Variants in PCDHGB2 observed in about 807,000 individuals in gnomAD.
The protein encoded by PCDHGB2 is protocadherin gamma-B2.
In PCDHGB2, 55 loss-of-function variants were observed where a neutral mutation model predicts 59.3. The observed-to-expected ratio is 0.93, with a 90% CI of 0.75 to 1.16. PCDHGB2 has a LOEUF of 1.16. Ranked by LOEUF, PCDHGB2 falls within the 50% of genes most tolerant of loss-of-function variation. The pLI is 0.00. For missense variants in PCDHGB2, 1,228 were observed against 1,198.5 expected (o/e 1.02, Z -0.36); for synonymous variants, 516 against 512.0 (o/e 1.01, Z -0.11).
intron 1 of PCDHGB2, chr5:141,415,483 A>G: frequency 6.2e-7 from 1 of 1,614,212 alleles, no homozygotes; most frequent in South Asian, 1.1e-5. Context: ...CTCGCGAAAG[A>G]GTCACCTGAT....
rs546302275 is a variant in PCDHGB2, at chr5:141,362,788, CT to C, written c.2421+234del. Among the ~76,000 whole-genome samples, 614 of 152,314 alleles carry C rather than the reference CT, an allele frequency of 4.0e-3. 6 individuals are homozygous for C. Among genetic ancestry groups the C allele is most frequent in the Admixed American group, 0.011 (171 of 15,302 alleles). On this transcript the variant is annotated intron_variant, in intron 1 of 3. Coordinates refer to ENST00000522605, the MANE Select transcript of PCDHGB2 (RefSeq NM_018923.3). ...GAGATATTGCACTGTATTTCTTTTT[CT>C]TCCTCATCTTTACATTACTTCTCTC...
intron 1 of PCDHGB2, among the ~76,000 whole-genome samples, chr5:141,381,826 C>CTTTTTTTTTTTTTTTTT (rs770630741): frequency 6.7e-5 from 5 of 74,282 alleles, no homozygotes; most frequent in Admixed American, 1.9e-4. Flanking sequence ...CTTTCTTCTT[C>CTTTTTTTTTTTTTTTTT]TTTTTTTTTT....
intron 1 of PCDHGB2, chr5:141,387,869 G>A (rs772536133): frequency 6.3e-7 from 1 of 1,590,306 alleles, no homozygotes; most frequent in Non-Finnish European, 8.5e-7. Context: ...TGAGCAAGCT[G>A]AGGAGAGCAA....
chr5:141,478,337 T>C (rs766980546), intron 1 of PCDHGB2: 1 of 1,613,942 alleles, frequency 6.2e-7, no homozygotes, highest in Non-Finnish European at 8.5e-7. Context: ...ACCAGGGCCC[T>C]CCTTGCACGC....
Position 141,486,092 on chromosome 5 carries a change from C to G in PCDHGB2, c.2422-8715C>G. ...TACTGGAAAGCTTACTCTTTTGGGG[C>G]CCCTAGACTTTGAGAGTGAGAATTA... On this transcript the variant is annotated intron_variant, in intron 1 of 3. Transcript: ENST00000522605. The surrounding 1 kb of genome is among the most constrained non-coding windows in gnomAD (Gnocchi z 5.0). The G allele has an allele frequency of 6.2e-7, 1 of 1,614,148 alleles. No individual in the cohort carries two copies. Among genetic ancestry groups the G allele is most frequent in the South Asian group, 1.1e-5 (1 of 91,080 alleles).
At chr5:141,367,089 C>A in intron 1 of PCDHGB2, 1 of 258,634 alleles carries the variant, frequency 3.9e-6, no homozygotes, top group Non-Finnish European at 7.4e-6. Flanking sequence ...ATATTGTTCT[C>A]TTTTGAGTGT....
chr5:141,490,181 G>T lies in PCDHGB2; in HGVS notation c.2422-4626G>T, dbSNP rs755899660. ...GGTCCCATAGACTTTGAGGAGTCAC[G>T]TTTCTATGAAATTCATGCAAGAGCC... is the stretch of plus-strand genomic sequence containing the variant. On this transcript the variant is annotated intron_variant, in intron 1 of 3. Coordinates refer to ENST00000522605, the MANE Select transcript of PCDHGB2 (RefSeq NM_018923.3). The surrounding 1 kb of genome is among the most constrained non-coding windows in gnomAD (Gnocchi z 5.4). The T allele has an allele frequency of 6.2e-7, 1 of 1,614,200 alleles. No individual in the cohort carries two copies. The highest frequency in any genetic ancestry group is 8.5e-7 in the Non-Finnish European group (1 of 1,180,030).
rs535739297 is a variant in PCDHGB2, at chr5:141,399,960, G to A, written c.2421+37404G>A. ...ACGTGCTGCAGGCTAGCGAGCCCGG[G>A]CTCTTCAGCCTGGGGCTGCGCACAG... On this transcript the variant is annotated intron_variant, in intron 1 of 3. Transcript: ENST00000522605. 8.1e-6 allele frequency: 13 copies of A among 1,612,214 alleles called. No homozygotes were observed. The African/African-American group carries it at 1.6e-4, about 20-fold the overall frequency.
At chr5:141,375,730 C>T in intron 1 of PCDHGB2, 3 of 1,614,266 alleles carry the variant, frequency 1.9e-6, no homozygotes, top group Non-Finnish European at 2.5e-6. Context: ...TGTCACTGAG[C>T]CTGTTTGTGC....
chr5:141,476,230 G>A lies in PCDHGB2; in HGVS notation c.2422-18577G>A, dbSNP rs906283645. On this transcript the variant is annotated intron_variant, in intron 1 of 3. Coordinates refer to ENST00000522605, the MANE Select transcript of PCDHGB2 (RefSeq NM_018923.3). This position sits in a 1 kb window ranked among gnomAD's most constrained non-coding sequence, Gnocchi z 7.6. Reference sequence around the variant, plus strand: ...CCACGGTCATTCACTATGAGATCCCGGAGGAAAGAGAGAAGGGTTTCGCTG... The same window carrying A: ...CCACGGTCATTCACTATGAGATCCCAGAGGAAAGAGAGAAGGGTTTCGCTG... The A allele has an allele frequency of 1.2e-6, 2 of 1,614,040 alleles. No homozygotes were observed. Among genetic ancestry groups the A allele is most frequent in the Non-Finnish European group, 1.7e-6 (2 of 1,180,024 alleles).
chr5:141,372,235 C>T lies in PCDHGB2; in HGVS notation c.2421+9679C>T. The T allele has an allele frequency of 6.2e-7, 1 of 1,613,342 alleles. No homozygotes were observed. The highest frequency in any genetic ancestry group is 1.7e-5 in the Admixed American group (1 of 60,020). On this transcript the variant is annotated intron_variant, in intron 1 of 3. Coordinates refer to ENST00000522605, the MANE Select transcript of PCDHGB2 (RefSeq NM_018923.3). ...TACCACATTGTGCAGGCCAGCGAGC[C>T]CGGGCTGTTCAGCCTGGGCCTGCGC... is the stretch of plus-strand genomic sequence containing the variant.
In PCDHGB2 at chr5:141,476,833, C is replaced by T. The variant is rs746365316; in HGVS notation, c.2422-17974C>T. 1.4e-5 allele frequency: 23 copies of T among 1,613,524 alleles called. No homozygotes were observed. Among genetic ancestry groups the T allele is most frequent in the Non-Finnish European group, 1.9e-5 (23 of 1,180,050 alleles). On this transcript the variant is annotated intron_variant, in intron 1 of 3. Coordinates refer to ENST00000522605, the MANE Select transcript of PCDHGB2 (RefSeq NM_018923.3). The surrounding 1 kb of genome is among the most constrained non-coding windows in gnomAD (Gnocchi z 7.6). Reference sequence around the variant, plus strand: ...ACATCAAGGTGCTGGACGCGAATGACAATGCGCCTGTCTTCAACCAGTCCT... The same window carrying T: ...ACATCAAGGTGCTGGACGCGAATGATAATGCGCCTGTCTTCAACCAGTCCT...
chr5:141,476,225 A>G lies in PCDHGB2; in HGVS notation c.2422-18582A>G, dbSNP rs1414835001. ...GGCTTCCACGGTCATTCACTATGAG[A>G]TCCCGGAGGAAAGAGAGAAGGGTTT... On this transcript the variant is annotated intron_variant, in intron 1 of 3. Transcript: ENST00000522605. This position sits in a 1 kb window ranked among gnomAD's most constrained non-coding sequence, Gnocchi z 7.6. 3 of 1,613,882 alleles carry G rather than the reference A, an allele frequency of 1.9e-6. No homozygotes were observed. The highest frequency in any genetic ancestry group is 2.5e-6 in the Non-Finnish European group (3 of 1,180,012).
intron 1 of PCDHGB2, chr5:141,387,909 G>C (rs1383616266): frequency 8.0e-6 from 12 of 1,498,886 alleles, no homozygotes; most frequent in Non-Finnish European, 1.1e-5. Flanking sequence ...CGGGGAGCTG[G>C]GCCGGGCTGA....
chr5:141,463,480 G>A (rs964539275), intron 1 of PCDHGB2, among the ~76,000 whole-genome samples: 3 of 114,320 alleles, frequency 2.6e-5, no homozygotes, highest in African/African-American at 1.1e-4. Context: ...ATGGAGTCTC[G>A]CTCTGTCACC....
chr5:141,465,273 G>A (rs949271610), intron 1 of PCDHGB2, among the ~76,000 whole-genome samples: 1 of 152,068 alleles, frequency 6.6e-6, no homozygotes, highest in Non-Finnish European at 1.5e-5. Context: ...TAGCCATTTA[G>A]TTCACCCCTA....
intron 1 of PCDHGB2, chr5:141,433,087 A>G (rs769187557): frequency 6.2e-7 from 1 of 1,614,206 alleles, no homozygotes. Context: ...CCAACTATGC[A>G]GACATGCTCG....
intron 1 of PCDHGB2, chr5:141,372,469 T>C (rs772203261): frequency 6.2e-7 from 1 of 1,614,020 alleles, no homozygotes; most frequent in Non-Finnish European, 8.5e-7. Context: ...CAGTTTCACC[T>C]AGTAGTGGCG....
At chr5:141,366,818 C>T (rs367913992) in intron 1 of PCDHGB2, 3 of 1,545,048 alleles carry the variant, frequency 1.9e-6, no homozygotes, top group Non-Finnish European at 1.7e-6. Flanking sequence ...ATGTTTCTGT[C>T]ATATTCAGAA....
Sources: gnomAD v4.1 joint callset for allele counts (sites outside exome capture counted in the v4.1 genomes callset) on GRCh38, gnomAD v4.1.1 for gene constraint, Gnocchi (gnomAD v3.1) non-coding constraint, MANE v1.5 for transcripts, NCBI Gene and HGNC (gene_info 2026-07-23, HGNC 2026-07-21) for gene names.